PNPO: variants seen among roughly 807,000 people sequenced by gnomAD.
PNPO encodes the protein pyridoxamine 5'-phosphate oxidase.
Under a neutral mutation model 35.0 loss-of-function variants are expected in PNPO, and 39 were observed. The ratio of observed to expected loss-of-function variants is 1.11; its 90% CI spans 0.86 to 1.45. The LOEUF is 1.45. PNPO is among the 40% of genes most tolerant of loss of function. The pLI is 0.00. For missense variants in PNPO, 288 were observed against 340.0 expected (o/e 0.85, Z 1.20); for synonymous variants, 115 against 119.8 (o/e 0.96, Z 0.26).
Position 47,945,970 on chromosome 17 carries a change from C to T in PNPO, c.527C>T (p.Ser176Phe). Residue 176 changes from serine to phenylalanine, a missense_variant, in exon 5 of 7, where the codon TCT becomes TTT. Physicochemically the swap from Ser to Phe is radical, Grantham distance 155 (BLOSUM62 -2). Coordinates refer to ENST00000642017, the MANE Select transcript of PNPO (RefSeq NM_018129.4). The surrounding 1 kb of genome is among the most constrained non-coding windows in gnomAD (Gnocchi z 4.0). ...QIGAVVSHQSSVIPDREYLRK... is the reference protein window; with the variant it reads ...QIGAVVSHQSFVIPDREYLRK... ...GGGGCTGTGGTCAGCCACCAGAGTT[C>T]TGTGATCCCTGATCGGGAGGTGAGT... is the stretch of plus-strand genomic sequence containing the variant. The T allele has an allele frequency of 6.2e-7, 1 of 1,614,002 alleles. No individual in the cohort carries two copies. The highest frequency in any genetic ancestry group is 1.7e-5 in the Admixed American group (1 of 60,028).
Position 47,945,046 on chromosome 17 carries a change from T to C in PNPO, c.363+331T>C, listed in dbSNP as rs1160742192. 2 of 419,768 alleles carry C rather than the reference T, an allele frequency of 4.8e-6. No individual in the cohort carries two copies. The highest frequency in any genetic ancestry group is 3.5e-5 in the Admixed American group (1 of 28,252). 26.0% of individuals were successfully genotyped at this position (419,768 alleles called of 1,614,324 possible). On this transcript the variant is annotated intron_variant, in intron 3 of 6. Transcript: ENST00000642017. This position sits in a 1 kb window ranked among gnomAD's most constrained non-coding sequence, Gnocchi z 4.0. ...TAACTTGCAACTTTCTTTTTTGTCT[T>C]CTTCTTCAGTTTGTAACTGAGCATT...
At position 47,946,900 on chromosome 17, in the gene PNPO, C is replaced by A; in HGVS notation, c.*118C>A. 1 of 870,802 alleles carries A rather than the reference C, an allele frequency of 1.1e-6. No homozygotes were observed. The highest frequency in any genetic ancestry group is 1.8e-6 in the Non-Finnish European group (1 of 540,952). The allele number at this position is 870,802 out of a possible 1,614,324, so 53.9% of individuals were successfully genotyped here. On this transcript the variant is annotated 3_prime_UTR_variant, in exon 7 of 7. Coordinates refer to ENST00000642017, the MANE Select transcript of PNPO (RefSeq NM_018129.4). ...CATTTCCCTCCCTACCCCTTATCTTCAGGACTCTTCAGAGCTAATCCTCTA... is the reference window on the plus strand; with the variant it reads ...CATTTCCCTCCCTACCCCTTATCTTAAGGACTCTTCAGAGCTAATCCTCTA...
rs146027425 is a variant in PNPO at position 47,945,924 on chromosome 17, C to T, written c.481C>T (p.Arg161Cys). 12 of 1,613,826 alleles carry T rather than the reference C, an allele frequency of 7.4e-6. No homozygotes were observed. The highest frequency in any genetic ancestry group is 2.2e-5 in the East Asian group (1 of 44,894). The change falls in exon 5 of 7, where the codon CGC becomes TGC. Residue 161 changes from arginine (R) to cysteine (C), a missense_variant. Coordinates refer to ENST00000642017, the MANE Select transcript of PNPO (RefSeq NM_018129.4). The surrounding 1 kb of genome is among the most constrained non-coding windows in gnomAD (Gnocchi z 4.0). ...EEEAECYFHS[R>C]PKSSQIGAVV... ...GGAGGCTGAGTGCTACTTCCACTCCCGCCCCAAGAGCAGCCAGATTGGGGC... is the reference window on the plus strand; with the variant it reads ...GGAGGCTGAGTGCTACTTCCACTCCTGCCCCAAGAGCAGCCAGATTGGGGC...
chr17:47,942,727 T>C (rs1385422061), intron 1 of PNPO, among the ~76,000 whole-genome samples: 1 of 152,134 alleles, frequency 6.6e-6, no homozygotes, highest in Non-Finnish European at 1.5e-5. Flanking sequence ...AAATGCAGTT[T>C]TTCCAGCCTG....
At position 47,946,786 on chromosome 17, in the gene PNPO, T is replaced by C; in HGVS notation, c.*4T>C. ...CTATGAGAGACTTGCACCTTAACTC[T>C]GGGACCTGCTGGCCCAGAGTGGAGC... On this transcript the variant is annotated 3_prime_UTR_variant, in exon 7 of 7. Coordinates refer to ENST00000642017, the MANE Select transcript of PNPO (RefSeq NM_018129.4). The C allele has an allele frequency of 1.2e-6, 2 of 1,613,772 alleles. No individual in the cohort carries two copies. Among genetic ancestry groups the C allele is most frequent in the Non-Finnish European group, 1.7e-6 (2 of 1,179,890 alleles).
At chr17:47,941,857 G>A in intron 1 of PNPO, 44 bp downstream of exon 1, 4 of 1,531,286 alleles carry the variant, frequency 2.6e-6, no homozygotes, top group Non-Finnish European at 3.5e-6. Context: ...CGGGGGAAAA[G>A]GGGTCCCCGG....
chr17:47,942,334 TG>T (rs145710509), intron 1 of PNPO, among the ~76,000 whole-genome samples: 1 of 145,050 alleles, frequency 6.9e-6, no homozygotes, highest in Non-Finnish European at 1.5e-5. Context: ...AGTCATCTAC[TG>T]GGGGGAGGGG....
Position 47,946,405 on chromosome 17 carries a change from C to T in PNPO, c.617+12C>T. On this transcript the variant is annotated intron_variant, in intron 6 of 6. Coordinates refer to ENST00000642017, the MANE Select transcript of PNPO (RefSeq NM_018129.4). The stretch of plus-strand genomic sequence containing the variant: ...AAGCCAAAATCCTGGTGAGTGACAT[C>T]TGGTAGTCCTCTAGAAAGGGACACC... The T allele has an allele frequency of 6.2e-7, 1 of 1,600,002 alleles. No homozygotes were observed. Among genetic ancestry groups the T allele is most frequent in the East Asian group, 2.2e-5 (1 of 44,832 alleles).
chr17:47,946,474 G>A, intron 6 of PNPO, 81 bp downstream of exon 6: 1 of 1,389,318 alleles, frequency 7.2e-7, no homozygotes, highest in Non-Finnish European at 1.0e-6. Context: ...GGGAATCACA[G>A]ATCTCCTCCT....
chr17:47,941,612 T>C lies in PNPO; in HGVS notation c.-64T>C, dbSNP rs1445805985. On this transcript the variant is annotated 5_prime_UTR_variant, in exon 1 of 7. Transcript: ENST00000642017. ...GGGGTAGAAGTCCAGGGTGAGAAATTGGTTCCGAACTCAAAGGAACCCAGT... is the reference window on the plus strand; with the variant it reads ...GGGGTAGAAGTCCAGGGTGAGAAATCGGTTCCGAACTCAAAGGAACCCAGT... The C allele has an allele frequency of 2.1e-6, 3 of 1,460,522 alleles. No individual in the cohort carries two copies. The highest frequency in any genetic ancestry group is 2.7e-6 in the Non-Finnish European group (3 of 1,097,914). 90.5% of individuals were successfully genotyped at this position (1,460,522 alleles called of 1,614,324 possible).
chr17:47,944,874 C>T (rs2035988622), intron 3 of PNPO, 159 bp downstream of exon 3: 1 of 697,016 alleles, frequency 1.4e-6, no homozygotes, highest in Non-Finnish European at 2.6e-6. Context: ...TGCTCTTTGC[C>T]ATAAATGAAT....
In PNPO at chr17:47,947,012, A is replaced by C; in HGVS notation, c.*230A>C. 1.8e-6 allele frequency: 1 copy of C among 565,108 alleles called. No homozygotes were observed. The highest frequency in any genetic ancestry group is 1.9e-5 in the African/African-American group (1 of 53,286). 35.0% of individuals were successfully genotyped at this position (565,108 alleles called of 1,614,324 possible). On this transcript the variant is annotated 3_prime_UTR_variant, in exon 7 of 7. Coordinates refer to ENST00000642017, the MANE Select transcript of PNPO (RefSeq NM_018129.4). ...AGAATCACAAATGGAAAATAATTCC[A>C]TAATTATTTTTTTGACCTTGCCTAT...
chr17:47,943,521 C>A, intron 2 of PNPO, 91 bp downstream of exon 2: 1 of 1,486,590 alleles, frequency 6.7e-7, no homozygotes, highest in Non-Finnish European at 9.3e-7. Flanking sequence ...TTTTATGGTT[C>A]CAGCTCTGTT....
chr17:47,946,560 G>A lies in PNPO; in HGVS notation c.618-54G>A, dbSNP rs529374382. 2.5e-6 allele frequency: 4 copies of A among 1,586,640 alleles called. No homozygotes were observed. The South Asian group carries it at 3.3e-5, about 13-fold the overall frequency. On this transcript the variant is annotated intron_variant, in intron 6 of 6. Transcript: ENST00000642017. ...TGGGATGAGGGGTGAGGGTGGGAGA[G>A]TGACCTGGCTAGAAAACTCCACAGA...
intron 3 of PNPO, 121 bp downstream of exon 3, chr17:47,944,836 T>C (rs1342553779): frequency 2.3e-5 from 19 of 809,340 alleles, no homozygotes; most frequent in African/African-American, 1.7e-5. Flanking sequence ...GCAGGTGCCC[T>C]CCTGCCATGA....
Position 47,945,678 on chromosome 17 carries a change from G to T in PNPO, c.417+66G>T. ...TGGCAGGGCCTGAGTTTATGGCTACGTCTAGCGAAGGTCCCCAGACTGGGC... is the reference window on the plus strand; with the variant it reads ...TGGCAGGGCCTGAGTTTATGGCTACTTCTAGCGAAGGTCCCCAGACTGGGC... On this transcript the variant is annotated intron_variant, in intron 4 of 6. Coordinates refer to ENST00000642017, the MANE Select transcript of PNPO (RefSeq NM_018129.4). This position sits in a 1 kb window ranked among gnomAD's most constrained non-coding sequence, Gnocchi z 4.0. 6.8e-7 allele frequency: 1 copy of T among 1,471,104 alleles called. No individual in the cohort carries two copies. Among genetic ancestry groups the T allele is most frequent in the Admixed American group, 1.7e-5 (1 of 59,850 alleles). 91.1% of individuals were successfully genotyped at this position (1,471,104 alleles called of 1,614,324 possible). A position where few individuals can be genotyped will look rare whatever the true frequency, so the allele number is the denominator to read the frequency against.
At chr17:47,944,144 G>A (rs1185118728) in intron 2 of PNPO, among the ~76,000 whole-genome samples, 1 of 151,936 alleles carries the variant, frequency 6.6e-6, no homozygotes, top group Non-Finnish European at 1.5e-5. Context: ...TTCTGATGAG[G>A]CCTCTGCTTG....
At chr17:47,942,219 A>C in intron 1 of PNPO, 1 of 178,690 alleles carries the variant, frequency 5.6e-6, no homozygotes, top group Non-Finnish European at 1.1e-5. Flanking sequence ...AGGTCAAATA[A>C]CTTGCTCAGT....
At chr17:47,946,065 C>T in intron 5 of PNPO, 76 bp downstream of exon 5, 2 of 1,548,654 alleles carry the variant, frequency 1.3e-6, no homozygotes, top group Non-Finnish European at 1.8e-6. Context: ...CCAGGAGATG[C>T]CAGGAGATGT....
Sources: gnomAD v4.1 joint callset for allele counts (sites outside exome capture counted in the v4.1 genomes callset) on GRCh38, gnomAD v4.1.1 for gene constraint, Gnocchi (gnomAD v3.1) non-coding constraint, MANE v1.5 for transcripts, NCBI Gene and HGNC (gene_info 2026-07-23, HGNC 2026-07-21) for gene names.